Variants in SORCS1 observed in about 807,000 individuals in gnomAD.
The protein encoded by SORCS1 is sortilin related VPS10 domain containing receptor 1, also known as VPS10 domain-containing receptor SorCS1.
A neutral mutation model predicts 146.1 loss-of-function variants in SORCS1; 60 were observed. That is an observed-to-expected ratio of 0.41 (90% CI 0.33 to 0.51). SORCS1 has a LOEUF of 0.51. SORCS1 is among the 20% of genes least tolerant of loss of function. SORCS1 has a pLI of 0.21. For missense variants in SORCS1, 1,352 were observed against 1,487.6 expected (o/e 0.91, Z 1.50); for synonymous variants, 637 against 584.0 (o/e 1.09, Z -1.31).
chr10:107,003,882 A>C (rs566968866), intron 1 of SORCS1, among the ~76,000 whole-genome samples: 27 of 152,294 alleles, frequency 1.8e-4, no homozygotes, highest in African/African-American at 6.5e-4. Context: ...CCCTTTTTAA[A>C]GCAGAGAATA....
intron 1 of SORCS1, among the ~76,000 whole-genome samples, chr10:107,160,531 C>G (rs1459140446): frequency 6.6e-6 from 1 of 152,134 alleles, no homozygotes; most frequent in Non-Finnish European, 1.5e-5. Flanking sequence ...CCCAGAACAA[C>G]TAGAAGCAAA....
At chr10:107,039,208 A>G (rs1312437086) in intron 1 of SORCS1, among the ~76,000 whole-genome samples, 1 of 151,750 alleles carries the variant, frequency 6.6e-6, no homozygotes, top group Non-Finnish European at 1.5e-5. Flanking sequence ...GGCGCCTGTA[A>G]TCCCAGCTAC....
chr10:106,943,855 C>A (rs1159533068), intron 2 of SORCS1, among the ~76,000 whole-genome samples: 1 of 152,068 alleles, frequency 6.6e-6, no homozygotes, highest in Non-Finnish European at 1.5e-5. Flanking sequence ...TCATCCCCAT[C>A]TCCCATTCCA....
intron 18 of SORCS1, among the ~76,000 whole-genome samples, chr10:106,645,390 G>T (rs914349919): frequency 6.6e-5 from 10 of 151,800 alleles, no homozygotes; most frequent in African/African-American, 9.7e-5. Flanking sequence ...ATGGGGTTTC[G>T]CCATGTTGGC....
intron 1 of SORCS1, chr10:106,969,911 C>CT (rs1479357674): frequency 1.3e-5 from 2 of 152,296 alleles, no homozygotes; most frequent in East Asian, 3.9e-4. Context: ...CTCATTAAGC[C>CT]TTTTCAATGA....
At chr10:107,021,987 C>G in intron 1 of SORCS1, among the ~76,000 whole-genome samples, 1 of 152,128 alleles carries the variant, frequency 6.6e-6, no homozygotes, top group East Asian at 1.9e-4. Context: ...TCTGCCAACT[C>G]CTACTTGTGG....
At position 106,607,182 on chromosome 10, in the gene SORCS1, G is replaced by A. The variant is rs761135503; in HGVS notation, c.3149C>T (p.Thr1050Ile). The change falls in exon 23 of 26, where the codon ACT becomes ATT. Residue 1050 changes from threonine to isoleucine, a missense_variant. Physicochemically the swap from Thr to Ile is moderately conservative, Grantham distance 89. Transcript: ENST00000263054. ...GGGACTCACCTGCTCCAGGTCATCAGTTGACCTTTTGTTTTCTCCAGCTGG... is the reference window on the plus strand; with the variant it reads ...GGGACTCACCTGCTCCAGGTCATCAATTGACCTTTTGTTTTCTCCAGCTGG... ...QDPAGENKRS[T>I]DDLEQISELL... The A allele has an allele frequency of 9.9e-6, 16 of 1,613,972 alleles. No individual in the cohort carries two copies. Among genetic ancestry groups the A allele is most frequent in the Non-Finnish European group, 1.2e-5 (14 of 1,179,956 alleles).
rs534800511 is a variant in SORCS1 at position 107,099,320 on chromosome 10, G to A, written c.558+64649C>T. Among the ~76,000 whole-genome samples, 3 of 152,166 alleles carry A rather than the reference G, an allele frequency of 2.0e-5. No individual in the cohort carries two copies. The South Asian group carries it at 6.2e-4, about 32-fold the overall frequency. On this transcript the variant is annotated intron_variant, in intron 1 of 25. Coordinates refer to ENST00000263054, the MANE Select transcript of SORCS1 (RefSeq NM_052918.5). The stretch of plus-strand genomic sequence containing the variant: ...CTTGATTGAGAAGATTTTTGAGTGT[G>A]AGACCACTAGAAAATACAAGAAGTC...
chr10:106,968,741 C>A (rs1031655469), intron 1 of SORCS1, among the ~76,000 whole-genome samples: 1 of 152,088 alleles, frequency 6.6e-6, no homozygotes, highest in African/African-American at 2.4e-5. Context: ...GAAAAGAATG[C>A]AAGCTTTTAA....
intron 1 of SORCS1, among the ~76,000 whole-genome samples, chr10:107,144,068 G>T (rs1269863665): frequency 6.6e-6 from 1 of 151,982 alleles, no homozygotes; most frequent in Non-Finnish European, 1.5e-5. Context: ...GCTCTGAGGG[G>T]CCACACATGC....
chr10:106,967,059 C>CATTT (rs1247369170), intron 1 of SORCS1, among the ~76,000 whole-genome samples: 1 of 150,816 alleles, frequency 6.6e-6, no homozygotes, highest in Admixed American at 6.6e-5. Context: ...ATAGGGGACA[C>CATTT]ATTTAACCTT....
chr10:106,780,305 C>A (rs1398134240), intron 3 of SORCS1, among the ~76,000 whole-genome samples: 1 of 152,110 alleles, frequency 6.6e-6, no homozygotes, highest in Non-Finnish European at 1.5e-5. Flanking sequence ...CCTATTTTTG[C>A]TAGTTTAGAA....
At chr10:107,080,675 C>T (rs577984794) in intron 1 of SORCS1, among the ~76,000 whole-genome samples, 2 of 152,296 alleles carry the variant, frequency 1.3e-5, no homozygotes, top group East Asian at 3.9e-4. Context: ...CATACAAGAG[C>T]TGAAAGTTGT....
At chr10:106,588,658 G>A (rs915421121) in intron 24 of SORCS1, among the ~76,000 whole-genome samples, 2 of 151,752 alleles carry the variant, frequency 1.3e-5, no homozygotes, top group African/African-American at 2.4e-5. Context: ...TCAGGAGATC[G>A]AGACCATCCT....
rs183029593 is a variant in SORCS1 at position 106,871,903 on chromosome 10, A to T, written c.627-42230T>A. On this transcript the variant is annotated intron_variant, in intron 2 of 25. Coordinates refer to ENST00000263054, the MANE Select transcript of SORCS1 (RefSeq NM_052918.5). ...ATCCCCCCAACCTAAAATTAAAGTTAAAAAAAACTTGGTGTAGCAATGTAG... is the reference window on the plus strand; with the variant it reads ...ATCCCCCCAACCTAAAATTAAAGTTTAAAAAAACTTGGTGTAGCAATGTAG... Among the ~76,000 whole-genome samples the T allele has an allele frequency of 3.5e-3, 538 of 152,222 alleles. 4 individuals are homozygous for T. The highest frequency in any genetic ancestry group is 5.0e-3 in the Non-Finnish European group (340 of 68,004).
chr10:106,722,224 T>C (rs1295310681), intron 6 of SORCS1, among the ~76,000 whole-genome samples: 2 of 151,918 alleles, frequency 1.3e-5, no homozygotes, highest in African/African-American at 4.8e-5. Flanking sequence ...CTATTTTTGT[T>C]GGTATAAAAG....
intron 1 of SORCS1, among the ~76,000 whole-genome samples, chr10:107,015,040 C>G (rs1244780454): frequency 6.6e-6 from 1 of 152,188 alleles, no homozygotes; most frequent in Non-Finnish European, 1.5e-5. Flanking sequence ...TCCTCAGACC[C>G]TTGTGAACAC....
rs568951336 is a variant in SORCS1, at chr10:106,796,497, A to C, written c.727-19805T>G. ...TATACTCATAAGTCCCATCCCGGCAAGACTCAATTGCCAATGATACTTATA... is the reference window on the plus strand; with the variant it reads ...TATACTCATAAGTCCCATCCCGGCACGACTCAATTGCCAATGATACTTATA... On this transcript the variant is annotated intron_variant, in intron 3 of 25. Transcript: ENST00000263054. Among the ~76,000 whole-genome samples the C allele has an allele frequency of 9.8e-5, 15 of 152,332 alleles. 1 individual carries two copies. The highest frequency in any genetic ancestry group is 3.6e-4 in the African/African-American group (15 of 41,574).
intron 2 of SORCS1, among the ~76,000 whole-genome samples, chr10:106,926,454 T>C (rs1953022638): frequency 6.6e-6 from 1 of 152,136 alleles, no homozygotes; most frequent in Non-Finnish European, 1.5e-5. Context: ...TAAAAAAAAG[T>C]AACTGCCTGA....
Sources: allele counts gnomAD v4.1 joint callset (sites outside exome capture counted in the v4.1 genomes callset), GRCh38; gene constraint gnomAD v4.1.1; transcripts MANE v1.5; gene names NCBI Gene and HGNC (gene_info 2026-07-23, HGNC 2026-07-21).